ASAP1: variants seen among roughly 807,000 people sequenced by gnomAD.
ASAP1 encodes ArfGAP with SH3 domain, ankyrin repeat and PH domain 1.
Under a neutral mutation model 145.2 loss-of-function variants are expected in ASAP1, and 43 were observed. The observed-to-expected ratio is 0.30, with a 90% CI of 0.23 to 0.38. The LOEUF is 0.38. ASAP1 is among the 10% of genes least tolerant of loss of function. ASAP1 has a pLI of 1.00. For missense variants in ASAP1, 1,018 were observed against 1,355.3 expected (o/e 0.75, Z 3.91); for synonymous variants, 546 against 515.5 (o/e 1.06, Z -0.80).
intron 1 of ASAP1, among the ~76,000 whole-genome samples, chr8:130,414,694 CT>C (rs1202058264): frequency 1.3e-5 from 2 of 151,432 alleles, no homozygotes; most frequent in Non-Finnish European, 1.5e-5. Context: ...CAATGAAATT[CT>C]TTTTTCTTGA....
intron 24 of ASAP1, among the ~76,000 whole-genome samples, chr8:130,108,757 G>GTTTTTTTTTTTTTTTTTTTTTTT (rs10568607): frequency 1.9e-5 from 1 of 51,524 alleles, no homozygotes; most frequent in East Asian, 8.5e-4. Context: ...TCAAAAACCA[G>GTTTTTTTTTTTTTTTTTTTTTTT]TTTTTTTTTT....
chr8:130,281,781 T>C (rs976243263), intron 3 of ASAP1, among the ~76,000 whole-genome samples: 2 of 152,180 alleles, frequency 1.3e-5, no homozygotes, highest in East Asian at 1.9e-4. Context: ...TTAAAAGTAA[T>C]GGAGGCTGGG....
At chr8:130,114,109 A>G (rs1178389105) in intron 23 of ASAP1, among the ~76,000 whole-genome samples, 1 of 152,208 alleles carries the variant, frequency 6.6e-6, no homozygotes, top group Admixed American at 6.5e-5. Flanking sequence ...ATGATCTGAG[A>G]TAACGTAAGT....
chr8:130,137,861 A>G (rs1321302986), intron 13 of ASAP1, among the ~76,000 whole-genome samples: 1 of 152,240 alleles, frequency 6.6e-6, no homozygotes, highest in East Asian at 1.9e-4. Flanking sequence ...GTTCAAGGTC[A>G]CATGCTGGAC....
intron 14 of ASAP1, among the ~76,000 whole-genome samples, chr8:130,134,801 T>G (rs1022309774): frequency 3.3e-5 from 5 of 152,258 alleles, no homozygotes; most frequent in African/African-American, 9.6e-5. Context: ...ATTTTCTGTT[T>G]CATTTTCAAT....
At chr8:130,432,036 GA>G (rs1334439799) in intron 1 of ASAP1, among the ~76,000 whole-genome samples, 5 of 103,808 alleles carry the variant, frequency 4.8e-5, no homozygotes. Context: ...GAAGGAGGGG[GA>G]AAATGAGGTG....
At chr8:130,062,971 T>C (rs1781993276) in intron 27 of ASAP1, among the ~76,000 whole-genome samples, 3 of 152,124 alleles carry the variant, frequency 2.0e-5, no homozygotes, top group African/African-American at 7.2e-5. Flanking sequence ...AGACTCTGTC[T>C]CAATAAACCA....
intron 2 of ASAP1, among the ~76,000 whole-genome samples, chr8:130,363,960 T>C (rs1355376919): frequency 6.6e-6 from 1 of 152,222 alleles, no homozygotes; most frequent in Non-Finnish European, 1.5e-5. Flanking sequence ...TTCCATCTTT[T>C]ACACTTAGGC....
At chr8:130,312,702 A>G (rs1823431836) in intron 3 of ASAP1, among the ~76,000 whole-genome samples, 1 of 152,208 alleles carries the variant, frequency 6.6e-6, no homozygotes, top group African/African-American at 2.4e-5. Flanking sequence ...TTATGTTCCA[A>G]TGTGGGGATC....
chr8:130,266,641 T>C (rs560088632), intron 3 of ASAP1, among the ~76,000 whole-genome samples: 2 of 151,998 alleles, frequency 1.3e-5, no homozygotes, highest in South Asian at 2.1e-4. Flanking sequence ...CAATCTACCA[T>C]GGGAGAGAAC....
intron 2 of ASAP1, among the ~76,000 whole-genome samples, chr8:130,397,253 G>A (rs1828574454): frequency 6.6e-6 from 1 of 152,096 alleles, no homozygotes; most frequent in African/African-American, 2.4e-5. Context: ...CAATTCTCAT[G>A]CCTCAGCCTC....
At chr8:130,139,688 C>T (rs1248920652) in intron 13 of ASAP1, among the ~76,000 whole-genome samples, 1 of 151,610 alleles carries the variant, frequency 6.6e-6, no homozygotes, top group East Asian at 1.9e-4. Context: ...AAAGTCACGC[C>T]ATTGCACTCC....
intron 3 of ASAP1, among the ~76,000 whole-genome samples, chr8:130,348,403 T>C (rs956107102): frequency 1.3e-5 from 2 of 152,210 alleles, no homozygotes; most frequent in African/African-American, 4.8e-5. Flanking sequence ...AATTAGGTGC[T>C]GTCTTATCAA....
intron 9 of ASAP1, among the ~76,000 whole-genome samples, chr8:130,177,638 C>A (rs192211588): frequency 2.0e-5 from 3 of 152,160 alleles, no homozygotes; most frequent in Admixed American, 6.5e-5. Context: ...TGAAAACTTT[C>A]TACTTCAATA....
intron 26 of ASAP1, among the ~76,000 whole-genome samples, chr8:130,077,991 A>C (rs888910818): frequency 6.7e-6 from 1 of 148,468 alleles, no homozygotes; most frequent in African/African-American, 2.5e-5. Flanking sequence ...TTGTTTAAAA[A>C]CTTTTTTTTT....
chr8:130,131,603 G>GGAAA (rs1182699961), intron 15 of ASAP1, among the ~76,000 whole-genome samples: 4 of 63,108 alleles, frequency 6.3e-5, no homozygotes, highest in African/African-American at 3.3e-4. Flanking sequence ...CATGGCTACT[G>GGAAA]AAAAAAAAAA....
chr8:130,255,497 G>A (rs1288110821), intron 3 of ASAP1, among the ~76,000 whole-genome samples: 1 of 152,056 alleles, frequency 6.6e-6, no homozygotes, highest in Non-Finnish European at 1.5e-5. Flanking sequence ...TTCAGCAGTT[G>A]CATAGCATTG....
Position 130,180,806 on chromosome 8 carries a change from T to C in ASAP1, c.605A>G (p.Glu202Gly). ...TTCCTTCTCCATTTCTTCCGCAATC[T>C]CAGCTCCTGTTATCTCTGTGCGGAT... ...GMIRTEITGA[E>G]IAEEMEKERR... is the part of the protein sequence containing the mutation. Residue 202 changes from glutamate (E) to glycine (G), a missense_variant, in exon 8 of 30, where the codon GAG becomes GGG. Coordinates refer to ENST00000518721, the MANE Select transcript of ASAP1 (RefSeq NM_018482.4). 6.2e-7 allele frequency: 1 copy of C among 1,613,870 alleles called. No individual in the cohort carries two copies. Among genetic ancestry groups the C allele is most frequent in the Non-Finnish European group, 8.5e-7 (1 of 1,179,868 alleles).
chr8:130,067,867 GATC>G (rs2097433746), intron 27 of ASAP1, among the ~76,000 whole-genome samples: 1 of 152,216 alleles, frequency 6.6e-6, no homozygotes, highest in South Asian at 2.1e-4. Flanking sequence ...CAAAGCATCT[GATC>G]ATCAAGGTTT....
Sources: gnomAD v4.1 joint callset for allele counts (sites outside exome capture counted in the v4.1 genomes callset) on GRCh38, gnomAD v4.1.1 for gene constraint, MANE v1.5 for transcripts, NCBI Gene and HGNC (gene_info 2026-07-23, HGNC 2026-07-21) for gene names.